Variants in NCOA1 observed in about 807,000 individuals in gnomAD.
NCOA1 encodes Hin-2 protein.
Under a neutral mutation model 150.9 loss-of-function variants are expected in NCOA1, and 35 were observed. That is an observed-to-expected ratio of 0.23 (90% CI 0.18 to 0.31). The LOEUF (loss-of-function observed/expected upper bound fraction) is 0.31, where lower values mean the gene tolerates loss of function less well. Among genes scored for constraint, NCOA1 ranks in the 10% least tolerant of loss-of-function variants. The pLI is 1.00. For missense variants in NCOA1, 1,491 were observed against 1,749.3 expected (o/e 0.85, Z 2.63); for synonymous variants, 590 against 630.0 (o/e 0.94, Z 0.95).
intron 1 of NCOA1, among the ~76,000 whole-genome samples, chr2:24,549,380 GT>G (rs772810811): frequency 1.4e-4 from 22 of 152,120 alleles, no homozygotes; most frequent in Non-Finnish European, 2.8e-4. Context: ...ATCTGGGCTT[GT>G]GATGGGAGGG....
rs997137426 is a variant in NCOA1, at chr2:24,741,843, C to T, written c.3363C>T (p.His1121=). The T allele has an allele frequency of 6.2e-7, 1 of 1,614,062 alleles. No homozygotes were observed. Among genetic ancestry groups the T allele is most frequent in the African/African-American group, 1.3e-5 (1 of 74,908 alleles). Residue 1121 remains histidine, a synonymous_variant, in exon 19 of 23, where the codon CAC becomes CAT. Transcript: ENST00000348332. The part of the protein sequence containing the change: ...QRQRELYSQQ[H]RQRQLIQQQR... ...AGCGGGAACTGTACAGTCAACAGCACCGACAGAGGCAGCTAATACAGCAGC... is the reference window on the plus strand; with the variant it reads ...AGCGGGAACTGTACAGTCAACAGCATCGACAGAGGCAGCTAATACAGCAGC...
At chr2:24,668,953 A>G (rs1005594604) in intron 6 of NCOA1, among the ~76,000 whole-genome samples, 1 of 152,238 alleles carries the variant, frequency 6.6e-6, no homozygotes, top group Non-Finnish European at 1.5e-5. Flanking sequence ...TAACACACAC[A>G]TCGGCTCCCT....
chr2:24,572,642 G>A (rs933162004), intron 2 of NCOA1, among the ~76,000 whole-genome samples: 6 of 152,086 alleles, frequency 3.9e-5, no homozygotes, highest in South Asian at 2.1e-4. Context: ...GTATTTTTCT[G>A]TACTCCATCA....
chr2:24,749,828 GA>G (rs1380565031), intron 19 of NCOA1, among the ~76,000 whole-genome samples: 2 of 152,132 alleles, frequency 1.3e-5, no homozygotes, highest in Admixed American at 6.5e-5. Context: ...GTAATGAGGA[GA>G]AAAATCAGCC....
At chr2:24,747,674 A>G (rs181720872) in intron 19 of NCOA1, among the ~76,000 whole-genome samples, 1 of 152,326 alleles carries the variant, frequency 6.6e-6, no homozygotes, top group African/African-American at 2.4e-5. Flanking sequence ...ATGAGGTTAA[A>G]AACACATTAA....
chr2:24,571,642 CTTTT>C (rs949167186), intron 2 of NCOA1, among the ~76,000 whole-genome samples: 7 of 152,138 alleles, frequency 4.6e-5, no homozygotes, highest in African/African-American at 1.2e-4. Flanking sequence ...TCCAGTCTTT[CTTTT>C]GTTTCTCTTA....
chr2:24,641,749 A>G (rs1670226226), intron 3 of NCOA1, among the ~76,000 whole-genome samples: 2 of 151,970 alleles, frequency 1.3e-5, no homozygotes, highest in Non-Finnish European at 1.5e-5. Flanking sequence ...GTTTCCTTGT[A>G]TGTGACGTGC....
chr2:24,621,480 G>A (rs896627030), intron 3 of NCOA1, among the ~76,000 whole-genome samples: 5 of 99,828 alleles, frequency 5.0e-5, no homozygotes, highest in Non-Finnish European at 7.1e-5. Context: ...CAGAGTTTCC[G>A]TCTCAAGGCT....
intron 17 of NCOA1, 99 bp from the exon 18 acceptor site, chr2:24,739,332 TA>T (rs1442976095): frequency 1.2e-6 from 1 of 862,404 alleles, no homozygotes; most frequent in African/African-American, 1.7e-5. Flanking sequence ...CCTGCAACAC[TA>T]AAACTTTTTA....
At chr2:24,516,439 G>A (rs1572371300) in intron 1 of NCOA1, among the ~76,000 whole-genome samples, 1 of 151,224 alleles carries the variant, frequency 6.6e-6, no homozygotes, top group East Asian at 1.9e-4. Flanking sequence ...TGATCTGCTA[G>A]CCTCGGCCTC....
At chr2:24,714,911 A>G (rs945663389) in intron 14 of NCOA1, among the ~76,000 whole-genome samples, 2 of 152,122 alleles carry the variant, frequency 1.3e-5, no homozygotes, top group Admixed American at 1.3e-4. Flanking sequence ...TTGCTGAAAC[A>G]AAAATCTTAA....
At chr2:24,601,350 C>T (rs951203816) in intron 3 of NCOA1, among the ~76,000 whole-genome samples, 4 of 152,022 alleles carry the variant, frequency 2.6e-5, no homozygotes, top group Non-Finnish European at 5.9e-5. Flanking sequence ...ATAGCTGGCA[C>T]TACAAATATG....
chr2:24,523,924 C>CA (rs70947825), intron 1 of NCOA1, among the ~76,000 whole-genome samples: 16,659 of 49,462 alleles, frequency 0.34, 5,253 homozygotes, highest in Admixed American at 0.45. Flanking sequence ...GACTCTGTCT[C>CA]AAAAAAAAAA....
intron 13 of NCOA1, among the ~76,000 whole-genome samples, chr2:24,708,520 G>C (rs1281506114): frequency 6.6e-6 from 1 of 152,102 alleles, no homozygotes; most frequent in Non-Finnish European, 1.5e-5. Flanking sequence ...TTAGGATGGG[G>C]TGAAAGTGGT....
At chr2:24,678,257 A>G (rs1672009795) in intron 7 of NCOA1, among the ~76,000 whole-genome samples, 1 of 152,186 alleles carries the variant, frequency 6.6e-6, no homozygotes, top group Non-Finnish European at 1.5e-5. Context: ...CATGGTGTAT[A>G]TGTACCACAT....
chr2:24,520,703 A>T lies in NCOA1; in HGVS notation c.-396+29101A>T, dbSNP rs182739317. Among the ~76,000 whole-genome samples, 14 of 152,352 alleles carry T rather than the reference A, an allele frequency of 9.2e-5. No homozygotes were observed. In the East Asian group the frequency reaches 2.3e-3, roughly 25 times the overall value. ...TGGTGATGGTTTTATTGGTGTATAC[A>T]TGTGTCAAAATTTATAAAACTAAAT... On this transcript the variant is annotated intron_variant, in intron 1 of 22. Coordinates refer to ENST00000348332, the MANE Select transcript of NCOA1 (RefSeq NM_003743.5).
intron 1 of NCOA1, among the ~76,000 whole-genome samples, chr2:24,539,091 C>T (rs890153900): frequency 6.6e-5 from 10 of 152,148 alleles, no homozygotes; most frequent in African/African-American, 2.4e-4. Context: ...CTATTAATAA[C>T]TTAATATGCA....
chr2:24,629,614 T>C (rs1483983131), intron 3 of NCOA1, among the ~76,000 whole-genome samples: 6 of 149,930 alleles, frequency 4.0e-5, no homozygotes, highest in Non-Finnish European at 8.9e-5. Flanking sequence ...AACAGGAGGA[T>C]ATAATGAATA....
At chr2:24,516,779 T>G (rs1414151029) in intron 1 of NCOA1, among the ~76,000 whole-genome samples, 3 of 148,560 alleles carry the variant, frequency 2.0e-5, no homozygotes, top group Non-Finnish European at 4.5e-5. Context: ...TGAAGTTGCC[T>G]CTCTGGCCTT....
Sources: allele counts gnomAD v4.1 joint callset (sites outside exome capture counted in the v4.1 genomes callset), GRCh38; gene constraint gnomAD v4.1.1; transcripts MANE v1.5; gene names NCBI Gene and HGNC (gene_info 2026-07-23, HGNC 2026-07-21).